The following PDE9A variants were observed in gnomAD, a reference collection of about 807,000 sequenced individuals.
The protein encoded by PDE9A is high affinity cGMP-specific 3',5'-cyclic phosphodiesterase 9A.
Under a neutral mutation model 87.4 loss-of-function variants are expected in PDE9A, and 60 were observed. That is an observed-to-expected ratio of 0.69 (90% confidence interval 0.56 to 0.85). The LOEUF (loss-of-function observed/expected upper bound fraction) is 0.85. PDE9A is among the 40% of genes least tolerant of loss of function. The probability of loss-of-function intolerance (pLI) is 0.00; values close to 1 mark genes in which losing one functional copy is unlikely to be tolerated. For synonymous variants in PDE9A, 272 were observed against 279.4 expected, an observed-to-expected ratio of 0.97 and a Z score of 0.27; for missense variants, 665 against 779.0, an observed-to-expected ratio of 0.85 and a Z score of 1.74.
At chr21:42,729,832 T>A (rs2051532456) in intron 4 of PDE9A, among the ~76,000 whole-genome samples, 1 of 152,226 alleles carries the variant, frequency 6.6e-6, no homozygotes, top group South Asian at 2.1e-4. Context: ...CTGTTATTGA[T>A]TTCTACTTTG....
At chr21:42,665,925 GC>G (rs1417233211) in intron 1 of PDE9A, among the ~76,000 whole-genome samples, 3 of 152,224 alleles carry the variant, frequency 2.0e-5, no homozygotes, top group African/African-American at 7.2e-5. Flanking sequence ...GGGCACCTCT[GC>G]GCCATGAGGC....
intron 7 of PDE9A, among the ~76,000 whole-genome samples, chr21:42,743,075 AG>A (rs2053484729): frequency 6.6e-6 from 1 of 152,218 alleles, no homozygotes; most frequent in South Asian, 2.1e-4. Context: ...TCCCAAAGTT[AG>A]TTCAGCCAAG....
At chr21:42,771,102 G>A (rs2056987819) in intron 18 of PDE9A, among the ~76,000 whole-genome samples, 1 of 152,210 alleles carries the variant, frequency 6.6e-6, no homozygotes, top group Non-Finnish European at 1.5e-5. Context: ...GTGTCTTTGG[G>A]TGTATCAGCC....
intron 1 of PDE9A, among the ~76,000 whole-genome samples, chr21:42,677,327 C>A (rs2058900299): frequency 6.6e-6 from 1 of 152,250 alleles, no homozygotes; most frequent in Admixed American, 6.5e-5. Flanking sequence ...TGTTTTACAA[C>A]AACCAACCTC....
chr21:42,697,504 T>C, intron 3 of PDE9A: 1 of 1,540,112 alleles, frequency 6.5e-7, no homozygotes. Context: ...AATACTTGCA[T>C]GTTTGTCTTC....
intron 4 of PDE9A, among the ~76,000 whole-genome samples, chr21:42,711,103 T>C (rs996063964): frequency 6.6e-6 from 1 of 152,240 alleles, no homozygotes; most frequent in African/African-American, 2.4e-5. Flanking sequence ...GTCAGATATA[T>C]GTGGCAAACA....
rs1315828580 is a variant in PDE9A at position 42,732,063 on chromosome 21, T to C, written c.443-7T>C. 1 of 1,614,114 alleles carries C rather than the reference T, an allele frequency of 6.2e-7. No homozygotes were observed. The highest frequency in any genetic ancestry group is 8.5e-7 in the Non-Finnish European group (1 of 1,179,926). ...TGTTCCATCTGTCTTTCTTCTTTGG[T>C]TTGTAGAGAGAGAAGAATTAATCCA... On this transcript the variant is annotated splice_polypyrimidine_tract_variant and splice_region_variant and intron_variant, in intron 5 of 19. Coordinates refer to ENST00000291539, the MANE Select transcript of PDE9A (RefSeq NM_002606.3).
intron 1 of PDE9A, among the ~76,000 whole-genome samples, chr21:42,673,769 G>A (rs758899030): frequency 6.6e-6 from 1 of 152,080 alleles, no homozygotes; most frequent in Admixed American, 6.5e-5. Context: ...CGCCCTCCTC[G>A]CTGTGTGAGG....
intron 1 of PDE9A, among the ~76,000 whole-genome samples, chr21:42,663,068 A>G (rs2057701811): frequency 1.4e-5 from 2 of 146,192 alleles, no homozygotes; most frequent in South Asian, 4.4e-4. Flanking sequence ...CCACACTTAC[A>G]CACATGCACA....
At chr21:42,703,766 C>T (rs894678929) in intron 4 of PDE9A, among the ~76,000 whole-genome samples, 1 of 152,202 alleles carries the variant, frequency 6.6e-6, no homozygotes, top group African/African-American at 2.4e-5. Flanking sequence ...GATCGTTGCC[C>T]TCTGCAGCCC....
intron 17 of PDE9A, among the ~76,000 whole-genome samples, chr21:42,769,670 AAATG>A (rs1490256964): frequency 1.5e-4 from 6 of 41,370 alleles, no homozygotes; most frequent in South Asian, 1.3e-3. Flanking sequence ...ATAGGCACAC[AAATG>A]CACACACAGG....
At position 42,769,165 on chromosome 21, in the gene PDE9A, T is replaced by G; in HGVS notation, c.1590+10T>G. The stretch of plus-strand genomic sequence containing the variant: ...TGAAACAGTGACCAAGGTGAGTAAC[T>G]GTCACCACATGTCACACTTGCTTAC... On this transcript the variant is annotated intron_variant, in intron 17 of 19. Coordinates refer to ENST00000291539, the MANE Select transcript of PDE9A (RefSeq NM_002606.3). 1 of 1,610,486 alleles carries G rather than the reference T, an allele frequency of 6.2e-7. No homozygotes were observed. Among genetic ancestry groups the G allele is most frequent in the Non-Finnish European group, 8.5e-7 (1 of 1,177,588 alleles).
intron 14 of PDE9A, among the ~76,000 whole-genome samples, 178 bp from the exon 15 acceptor site, chr21:42,765,203 T>C (rs1374686148): frequency 6.6e-6 from 1 of 152,048 alleles, no homozygotes; most frequent in Non-Finnish European, 1.5e-5. Flanking sequence ...GATGAATGGA[T>C]GGGTTTTTGG....
intron 1 of PDE9A, 71 bp downstream of exon 1, chr21:42,653,954 C>A: frequency 4.6e-6 from 4 of 870,626 alleles, no homozygotes; most frequent in Non-Finnish European, 7.1e-6. Flanking sequence ...CGCGGCGGGG[C>A]GGGACTGTCC....
intron 1 of PDE9A, among the ~76,000 whole-genome samples, chr21:42,681,422 G>A (rs2059157884): frequency 6.6e-6 from 1 of 152,214 alleles, no homozygotes. Flanking sequence ...GTACACTTCT[G>A]GCTGGGTGCG....
chr21:42,761,441 C>T (rs2055756195), intron 13 of PDE9A, among the ~76,000 whole-genome samples: 1 of 152,242 alleles, frequency 6.6e-6, no homozygotes, highest in African/African-American at 2.4e-5. Context: ...TGCTCCACTC[C>T]TGCCTCCACA....
chr21:42,734,655 C>T (rs1004257533), intron 7 of PDE9A: 4 of 152,266 alleles, frequency 2.6e-5, no homozygotes, highest in African/African-American at 7.2e-5. Context: ...TCAATGCAAC[C>T]TTCGCCTCCT....
intron 4 of PDE9A, among the ~76,000 whole-genome samples, chr21:42,714,123 A>G (rs1401300037): frequency 7.0e-6 from 1 of 142,306 alleles, no homozygotes; most frequent in East Asian, 2.1e-4. Context: ...GGTTCACGCC[A>G]TTCTCCTGCC....
intron 8 of PDE9A, among the ~76,000 whole-genome samples, chr21:42,747,336 G>A (rs371303502): frequency 1.3e-5 from 2 of 152,282 alleles, no homozygotes; most frequent in South Asian, 2.1e-4. Flanking sequence ...GGGCCTTCCC[G>A]AGATGGCAGC....
Sources: allele counts gnomAD v4.1 joint callset (sites outside exome capture counted in the v4.1 genomes callset), GRCh38; gene constraint gnomAD v4.1.1; transcripts MANE v1.5; gene names NCBI Gene and HGNC (gene_info 2026-07-23, HGNC 2026-07-21).